Variants in BSN observed in about 807,000 individuals in gnomAD.
BSN encodes protein bassoon.
A neutral mutation model predicts 264.8 loss-of-function variants in BSN; 57 were observed. That is an observed-to-expected ratio of 0.22 (90% CI 0.17 to 0.27). The LOEUF (loss-of-function observed/expected upper bound fraction) is 0.27, where lower values mean the gene tolerates loss of function less well. Among genes scored for constraint, BSN ranks in the 10% least tolerant of loss-of-function variants. BSN has a pLI of 1.00. For synonymous variants in BSN, 2,059 were observed against 2,137.3 expected, an observed-to-expected ratio of 0.96 and a Z score of 1.01; for missense variants, 4,615 against 5,232.5, an observed-to-expected ratio of 0.88 and a Z score of 3.64.
intron 1 of BSN, among the ~76,000 whole-genome samples, chr3:49,606,177 ATGT>A (rs1387977385): frequency 1.1e-3 from 24 of 22,522 alleles, no homozygotes; most frequent in African/African-American, 3.2e-3. Context: ...TATATTATAT[ATGT>A]ATATATATTA....
At chr3:49,567,076 A>G (rs1168493396) in intron 1 of BSN, among the ~76,000 whole-genome samples, 1 of 152,184 alleles carries the variant, frequency 6.6e-6, no homozygotes, top group Non-Finnish European at 1.5e-5. Context: ...ATGCCCTCCA[A>G]ACTGGGTTGA....
chr3:49,635,244 G>T (rs1431509155), intron 2 of BSN, among the ~76,000 whole-genome samples: 2 of 152,182 alleles, frequency 1.3e-5, no homozygotes, highest in Non-Finnish European at 2.9e-5. Context: ...TAGGAGAGAT[G>T]TGGACAGAGA....
chr3:49,613,348 G>GAGAGAGAGAGAGAGAGAGA (rs1448553549), intron 1 of BSN, among the ~76,000 whole-genome samples: 2 of 148,796 alleles, frequency 1.3e-5, no homozygotes, highest in African/African-American at 2.5e-5. Flanking sequence ...GAGAGAGAGA[G>GAGAGAGAGAGAGAGAGAGA]AAGGGCTGGC....
At chr3:49,598,697 G>A (rs936435503) in intron 1 of BSN, among the ~76,000 whole-genome samples, 10 of 152,078 alleles carry the variant, frequency 6.6e-5, no homozygotes, top group South Asian at 4.1e-4. Context: ...ATGAGCCACC[G>A]TGCCCGGCCG....
intron 1 of BSN, among the ~76,000 whole-genome samples, chr3:49,591,255 A>T (rs1178039654): frequency 1.3e-5 from 2 of 152,168 alleles, no homozygotes; most frequent in African/African-American, 2.4e-5. Flanking sequence ...TTTGTCAAAC[A>T]TATTACACTT....
chr3:49,615,742 C>A (rs2052255020), intron 1 of BSN, among the ~76,000 whole-genome samples: 1 of 152,208 alleles, frequency 6.6e-6, no homozygotes, highest in Non-Finnish European at 1.5e-5. Context: ...CTAGGACAAT[C>A]AGGAAGCTGA....
At chr3:49,601,974 G>A (rs2052076023) in intron 1 of BSN, among the ~76,000 whole-genome samples, 1 of 152,272 alleles carries the variant, frequency 6.6e-6, no homozygotes, top group East Asian at 1.9e-4. Context: ...ACCATCACTG[G>A]CCCTGCCTGT....
chr3:49,637,436 G>T (rs909778247), intron 2 of BSN, among the ~76,000 whole-genome samples: 11 of 152,264 alleles, frequency 7.2e-5, no homozygotes, highest in Admixed American at 7.2e-4. Flanking sequence ...TTCCTGCAGG[G>T]AAGATGTAGA....
chr3:49,554,881 C>T (rs1438259435), intron 1 of BSN, 55 bp downstream of exon 1: 35 of 1,078,984 alleles, frequency 3.2e-5, no homozygotes, highest in Non-Finnish European at 4.1e-5. Context: ...GAGGCCGGGA[C>T]CCGGGCCCAG....
At chr3:49,636,915 T>C (rs2052424336) in intron 2 of BSN, among the ~76,000 whole-genome samples, 1 of 152,154 alleles carries the variant, frequency 6.6e-6, no homozygotes, top group South Asian at 2.1e-4. Context: ...CACATCGGCC[T>C]GTCCTTGTTG....
At chr3:49,601,816 A>G (rs2052075108) in intron 1 of BSN, among the ~76,000 whole-genome samples, 1 of 152,156 alleles carries the variant, frequency 6.6e-6, no homozygotes, top group Non-Finnish European at 1.5e-5. Context: ...TAGTTATTAG[A>G]TTTCTGAAAA....
chr3:49,619,851 T>C (rs1228499550), intron 1 of BSN, among the ~76,000 whole-genome samples: 1 of 152,160 alleles, frequency 6.6e-6, no homozygotes, highest in Admixed American at 6.5e-5. Flanking sequence ...ATTTTACTGC[T>C]CTGAGTCATT....
intron 1 of BSN, among the ~76,000 whole-genome samples, chr3:49,560,891 A>T (rs1189036794): frequency 6.6e-6 from 1 of 151,850 alleles, no homozygotes; most frequent in Non-Finnish European, 1.5e-5. Context: ...CTCTTGGCCC[A>T]TTTGTCTTAT....
chr3:49,575,678 A>G (rs1418930248), intron 1 of BSN, among the ~76,000 whole-genome samples: 1 of 143,870 alleles, frequency 7.0e-6, no homozygotes, highest in African/African-American at 2.5e-5. Flanking sequence ...ATATATATAT[A>G]CAAGTAAGAC....
chr3:49,613,307 A>AGAGAGG (rs1559605428), intron 1 of BSN, among the ~76,000 whole-genome samples: 1 of 122,164 alleles, frequency 8.2e-6, no homozygotes, highest in Non-Finnish European at 1.7e-5. Context: ...ACAGAGCGAG[A>AGAGAGG]GAGAGAGAGA....
chr3:49,610,897 C>T (rs1434805011), intron 1 of BSN, among the ~76,000 whole-genome samples: 4 of 152,150 alleles, frequency 2.6e-5, no homozygotes, highest in Non-Finnish European at 5.9e-5. Flanking sequence ...GTGATGCAGA[C>T]ATTGGGTGAT....
intron 2 of BSN, among the ~76,000 whole-genome samples, chr3:49,636,725 C>T (rs1329021781): frequency 6.6e-5 from 10 of 152,258 alleles, no homozygotes; most frequent in Admixed American, 6.5e-4. Flanking sequence ...TGGTCCAGCT[C>T]TGGATCAGTG....
chr3:49,592,837 A>G (rs1288076476), intron 1 of BSN, among the ~76,000 whole-genome samples: 2 of 152,156 alleles, frequency 1.3e-5, no homozygotes, highest in Non-Finnish European at 2.9e-5. Flanking sequence ...AAAATGGTGC[A>G]GTATGATATT....
intron 1 of BSN, among the ~76,000 whole-genome samples, chr3:49,605,865 TATCTATTTATATATAGATATAA>T (rs1234118957): frequency 4.6e-5 from 4 of 86,858 alleles, no homozygotes; most frequent in Non-Finnish European, 7.9e-5. Context: ...AATATATTTA[TATCTATTTATATATAGATATAA>T]ATATATTTAT....
Sources: gnomAD v4.1 joint callset for allele counts (sites outside exome capture counted in the v4.1 genomes callset) on GRCh38, gnomAD v4.1.1 for gene constraint, MANE v1.5 for transcripts, NCBI Gene and HGNC (gene_info 2026-07-23, HGNC 2026-07-21) for gene names.